BCAR3: variants seen among roughly 807,000 people sequenced by gnomAD.
BCAR3 encodes the protein BCAR3 adaptor protein, NSP family member, also known as breast cancer anti-estrogen resistance protein 3.
A neutral mutation model predicts 80.1 loss-of-function variants in BCAR3; 37 were observed. The ratio of observed to expected loss-of-function variants is 0.46; its 90% CI spans 0.36 to 0.61. The LOEUF (loss-of-function observed/expected upper bound fraction) is 0.61. BCAR3 is among the 20% of genes least tolerant of loss of function. The pLI is 0.00. For missense variants in BCAR3, 978 were observed against 1,068.2 expected, an observed-to-expected ratio of 0.92 and a Z score of 1.18; for synonymous variants, 389 against 418.9, an observed-to-expected ratio of 0.93 and a Z score of 0.87.
upstream of BCAR3, among the ~76,000 whole-genome samples, chr1:93,686,670 G>A (rs1648982829): frequency 6.6e-6 from 1 of 152,198 alleles, no homozygotes; most frequent in South Asian, 2.1e-4. Context: ...CAGAGTGGAG[G>A]AGAATTATCA....
At chr1:93,661,471 C>T (rs982297808) in intron 2 of BCAR3, among the ~76,000 whole-genome samples, 7 of 151,030 alleles carry the variant, frequency 4.6e-5, no homozygotes, top group Admixed American at 4.6e-4. Context: ...GGTGAGCCAC[C>T]ATACCTGGCC....
At position 93,838,779 on chromosome 1, in the gene BCAR3, G is replaced by A. The variant is rs145577776; in HGVS notation, c.-63+6788C>T. Among the ~76,000 whole-genome samples the A allele has an allele frequency of 5.8e-4, 88 of 152,170 alleles. 1 individual carries two copies. Among genetic ancestry groups the A allele is most frequent in the Middle Eastern group, 3.4e-3 (1 of 294 alleles). On this transcript the variant is annotated intron_variant, in intron 2 of 13. Transcript: ENST00000370244. ...CCAAGCAAGGAGGGCAATTTCAGCC[G>A]GTGTATTTGCTACTGGTTGTGACTA...
At chr1:93,767,821 A>C (rs189515440) in intron 2 of BCAR3, among the ~76,000 whole-genome samples, 17 of 151,036 alleles carry the variant, frequency 1.1e-4, no homozygotes, top group Admixed American at 1.0e-3. Context: ...GCAAACAGAA[A>C]ATGGGTTAAG....
intron 2 of BCAR3, among the ~76,000 whole-genome samples, chr1:93,751,874 C>T (rs1651568566): frequency 6.6e-6 from 1 of 152,240 alleles, no homozygotes; most frequent in Non-Finnish European, 1.5e-5. Flanking sequence ...GGGGAACAGC[C>T]ATGCCAGCTT....
At chr1:93,703,459 C>A (rs539105260) in intron 3 of BCAR3, among the ~76,000 whole-genome samples, 1 of 151,546 alleles carries the variant, frequency 6.6e-6, no homozygotes, top group Non-Finnish European at 1.5e-5. Flanking sequence ...CCTACCTACT[C>A]GGGAGGCTAA....
At chr1:93,737,515 G>A (rs922893395) in intron 2 of BCAR3, among the ~76,000 whole-genome samples, 8 of 152,276 alleles carry the variant, frequency 5.3e-5, no homozygotes, top group South Asian at 2.1e-4. Flanking sequence ...GGCAATCACC[G>A]GAAGCAAGGA....
Position 93,816,188 on chromosome 1 carries a change from T to C in BCAR3, c.-63+29379A>G, listed in dbSNP as rs149885666. ...CCTGGCACACAGTAGGCACATAAAA[T>C]AAATTAGCTGCACAGAAAGCCCACT... is the stretch of plus-strand genomic sequence containing the variant. On this transcript the variant is annotated intron_variant, in intron 2 of 13. Coordinates refer to the BCAR3 transcript ENST00000370244. Among the ~76,000 whole-genome samples the C allele has an allele frequency of 3.9e-5, 6 of 152,210 alleles. No individual in the cohort carries two copies. The East Asian group carries it at 1.2e-3, about 29-fold the overall frequency.
chr1:93,691,844 T>C lies in BCAR3; in HGVS notation c.-12+14248A>G, dbSNP rs530447857. On this transcript the variant is annotated intron_variant, in intron 3 of 13. Transcript: ENST00000370244. ...CCTTTTTTCTAATAAGACATGAATATGTACAATTCACTCCCACGTGAGTGG... is the reference window on the plus strand; with the variant it reads ...CCTTTTTTCTAATAAGACATGAATACGTACAATTCACTCCCACGTGAGTGG... 1.1e-4 allele frequency among the ~76,000 whole-genome samples: 16 copies of C among 152,272 alleles called. No individual in the cohort carries two copies. In the South Asian group the frequency reaches 3.3e-3, roughly 32 times the overall value.
chr1:93,733,235 T>G (rs1650856013), intron 2 of BCAR3, among the ~76,000 whole-genome samples: 1 of 152,190 alleles, frequency 6.6e-6, no homozygotes, highest in South Asian at 2.1e-4. Flanking sequence ...CAGGCCCGCC[T>G]GAGGACAAGT....
At chr1:93,776,742 A>G (rs950608840) in intron 2 of BCAR3, among the ~76,000 whole-genome samples, 1 of 152,104 alleles carries the variant, frequency 6.6e-6, no homozygotes, top group South Asian at 2.1e-4. Context: ...AGGTAGATCT[A>G]GACTTACTCT....
intron 2 of BCAR3, among the ~76,000 whole-genome samples, chr1:93,819,893 A>T (rs1654156381): frequency 6.6e-6 from 1 of 152,164 alleles, no homozygotes; most frequent in Admixed American, 6.5e-5. Context: ...CCTGATAGAC[A>T]GTTTTCTGAT....
intron 3 of BCAR3, among the ~76,000 whole-genome samples, chr1:93,701,338 G>A (rs774619555): frequency 8.5e-5 from 13 of 152,070 alleles, no homozygotes; most frequent in Admixed American, 2.0e-4. Flanking sequence ...AACCCAAAAC[G>A]TGCCTTCGAG....
intron 2 of BCAR3, chr1:93,720,397 C>T (rs1382278888): frequency 6.6e-6 from 1 of 152,304 alleles, no homozygotes; most frequent in Admixed American, 6.5e-5. Context: ...TCTTTCCTGG[C>T]TGTGTGCTCT....
At chr1:93,740,892 G>A (rs1651152562) in intron 2 of BCAR3, among the ~76,000 whole-genome samples, 1 of 152,216 alleles carries the variant, frequency 6.6e-6, no homozygotes, top group Non-Finnish European at 1.5e-5. Flanking sequence ...AGCACTGGCT[G>A]TGTTTCCAGC....
At chr1:93,679,866 T>C (rs1342189645) in intron 1 of BCAR3, among the ~76,000 whole-genome samples, 3 of 152,238 alleles carry the variant, frequency 2.0e-5, no homozygotes, top group Non-Finnish European at 4.4e-5. Flanking sequence ...CGGGATATTT[T>C]CAAGTTTAAC....
At chr1:93,846,880 C>A (rs758427333) in intron 1 of BCAR3, 4 of 481,622 alleles carry the variant, frequency 8.3e-6, no homozygotes, top group Admixed American at 2.2e-5. Context: ...CTCAGAAATT[C>A]GGCTCTGGGT....
intron 2 of BCAR3, among the ~76,000 whole-genome samples, chr1:93,657,995 C>T (rs1647469955): frequency 1.3e-5 from 2 of 150,816 alleles, no homozygotes; most frequent in Non-Finnish European, 2.9e-5. Flanking sequence ...ACCAGGAGTG[C>T]AGTGGCATGA....
At chr1:93,722,683 C>T (rs1650445321) in intron 2 of BCAR3, among the ~76,000 whole-genome samples, 1 of 152,130 alleles carries the variant, frequency 6.6e-6, no homozygotes, top group African/African-American at 2.4e-5. Flanking sequence ...GACTGGTGGG[C>T]TGTGAGGGAA....
intron 2 of BCAR3, among the ~76,000 whole-genome samples, chr1:93,706,776 T>A (rs1238926070): frequency 5.3e-5 from 8 of 152,272 alleles, no homozygotes; most frequent in Admixed American, 5.2e-4. Flanking sequence ...GGAGAATTAC[T>A]TATATAAATC....
Sources: gnomAD v4.1 joint callset for allele counts (sites outside exome capture counted in the v4.1 genomes callset) on GRCh38, gnomAD v4.1.1 for gene constraint, MANE v1.5 for transcripts, NCBI Gene and HGNC (gene_info 2026-07-23, HGNC 2026-07-21) for gene names.